The following DST variants were observed in gnomAD, a reference collection of about 807,000 sequenced individuals.
DST encodes dystonin.
A neutral mutation model predicts 875.2 loss-of-function variants in DST; 253 were observed. The observed-to-expected ratio is 0.29, with a 90% CI of 0.26 to 0.32. The LOEUF (loss-of-function observed/expected upper bound fraction) is 0.32. DST is among the 10% of genes least tolerant of loss of function. The pLI is 1.00. For synonymous variants in DST, 3,124 were observed against 3,197.1 expected, an observed-to-expected ratio of 0.98 and a Z score of 0.77; for missense variants, 8,287 against 9,111.6, an observed-to-expected ratio of 0.91 and a Z score of 3.68.
intron 4 of DST, among the ~76,000 whole-genome samples, chr6:56,738,826 T>C (rs2099535910): frequency 1.3e-5 from 2 of 151,730 alleles, no homozygotes; most frequent in African/African-American, 4.9e-5. Flanking sequence ...TTTCGTCATG[T>C]TGCCCAGGCT....
chr6:56,597,957 A>C lies in DST; in HGVS notation c.11978T>G (p.Leu3993Arg). 1 of 1,612,434 alleles carries C rather than the reference A, an allele frequency of 6.2e-7. No homozygotes were observed. The stretch of plus-strand genomic sequence containing the variant: ...GTCAACATTTGACAACCAGTCCAAA[A>C]GGTTTTCTATTTTGGTTTTGCTCTC... ...LEESKTKIEN[L>R]LDWLSNVDKD... is the part of the protein sequence containing the mutation. Residue 3993 changes from leucine to arginine, a missense_variant, in exon 47 of 104, where the codon CTT becomes CGT. Leu to Arg is a moderately radical substitution (Grantham distance 102, BLOSUM62 -2). Coordinates refer to ENST00000680361, the MANE Select transcript of DST (RefSeq NM_001374736.1).
chr6:56,633,340 C>A lies in DST; in HGVS notation c.3622-303G>T, dbSNP rs375076711. Reference sequence around the variant, plus strand: ...CTCCCGGGTTCACGCCATTCTCCTGCCTCAGCCTCCCAAGTAGCTGGGACT... The same window carrying A: ...CTCCCGGGTTCACGCCATTCTCCTGACTCAGCCTCCCAAGTAGCTGGGACT... On this transcript the variant is annotated intron_variant, in intron 27 of 103. Coordinates refer to ENST00000680361, the MANE Select transcript of DST (RefSeq NM_001374736.1). 4.7e-4 allele frequency among the ~76,000 whole-genome samples: 71 copies of A among 149,634 alleles called. No homozygotes were observed. The East Asian group carries it at 0.011, about 23-fold the overall frequency.
intron 2 of DST, among the ~76,000 whole-genome samples, chr6:56,916,018 G>A (rs1800757348): frequency 6.6e-6 from 1 of 152,236 alleles, no homozygotes; most frequent in African/African-American, 2.4e-5. Flanking sequence ...CAGATGGGAA[G>A]ATGGCAGATA....
At chr6:56,685,766 A>G (rs1165937109) in intron 9 of DST, among the ~76,000 whole-genome samples, 1 of 152,164 alleles carries the variant, frequency 6.6e-6, no homozygotes, top group Non-Finnish European at 1.5e-5. Flanking sequence ...AATAAAAATC[A>G]AAATTAAAAA....
At chr6:56,902,574 G>A (rs989607381) in intron 2 of DST, among the ~76,000 whole-genome samples, 2 of 152,226 alleles carry the variant, frequency 1.3e-5, no homozygotes, top group Admixed American at 6.5e-5. Context: ...AACAGAAATC[G>A]GTAAGGAGAA....
intron 31 of DST, among the ~76,000 whole-genome samples, chr6:56,629,871 T>C (rs866138378): frequency 1.9e-4 from 29 of 152,366 alleles, no homozygotes; most frequent in Middle Eastern, 6.8e-3. Flanking sequence ...TACACATAGA[T>C]GAGTTGAACT....
Position 56,639,351 on chromosome 6 carries a change from C to T in DST, c.2872G>A (p.Glu958Lys). The change falls in exon 22 of 104, where the codon GAA becomes AAA. Residue 958 changes from glutamate (E) to lysine (K), a missense_variant. Glu to Lys is a moderately conservative substitution (Grantham distance 56). Around this residue, in one of 10 missense-constraint regions of DST, gnomAD observed 1,160 missense variants for 1,424.3 expected, o/e 0.81. Coordinates refer to ENST00000680361, the MANE Select transcript of DST (RefSeq NM_001374736.1). ...ATATTTTCTTCCTTTTGATCAAGTT[C>T]TCTCATTAATTCCTTCAAGAAATAA... is the stretch of plus-strand genomic sequence containing the variant. ...KKDYHAELMR[E>K]LDQKEENIKS... 1 of 1,613,346 alleles carries T rather than the reference C, an allele frequency of 6.2e-7. No homozygotes were observed. The highest frequency in any genetic ancestry group is 1.7e-4 in the Middle Eastern group (1 of 6,054).
rs142337762 is a variant in DST at position 56,647,686 on chromosome 6, A to G, written c.1554+884T>C. Among the ~76,000 whole-genome samples, 1,421 of 148,192 alleles carry G rather than the reference A, an allele frequency of 9.6e-3. 30 individuals are homozygous for G. Among genetic ancestry groups the G allele is most frequent in the African/African-American group, 0.034 (1,331 of 38,648 alleles). On this transcript the variant is annotated intron_variant, in intron 13 of 103. Transcript: ENST00000680361. ...TACATATTTGTAATGGCTTTTTGTA[A>G]TGTTTTTTTTTTTTTTTGAGACGGA...
At chr6:56,751,388 A>T (rs988010884) in intron 4 of DST, among the ~76,000 whole-genome samples, 1 of 152,238 alleles carries the variant, frequency 6.6e-6, no homozygotes, top group East Asian at 1.9e-4. Flanking sequence ...GTGGTAAGAT[A>T]ATCAGTAATT....
intron 2 of DST, among the ~76,000 whole-genome samples, chr6:56,922,124 C>T (rs552174771): frequency 6.6e-6 from 1 of 152,146 alleles, no homozygotes; most frequent in African/African-American, 2.4e-5. Context: ...TGCACTGATT[C>T]AGTTAGCACT....
At chr6:56,689,047 A>G (rs534874500) in intron 9 of DST, among the ~76,000 whole-genome samples, 5 of 152,266 alleles carry the variant, frequency 3.3e-5, no homozygotes, top group African/African-American at 1.2e-4. Flanking sequence ...TCAAAGCTGT[A>G]CCACTCATTG....
Position 56,597,780 on chromosome 6 carries a change from G to C in DST, c.12155C>G (p.Thr4052Ser). 1 of 1,613,828 alleles carries C rather than the reference G, an allele frequency of 6.2e-7. No individual in the cohort carries two copies. The highest frequency in any genetic ancestry group is 8.5e-7 in the Non-Finnish European group (1 of 1,179,822). The change falls in exon 47 of 104, where the codon ACC becomes AGC. Residue 4052 changes from threonine (T) to serine (S), a missense_variant. Physicochemically the swap from Thr to Ser is moderately conservative, Grantham distance 58 (BLOSUM62 1). This residue lies in a region of DST where 1,513 missense variants were observed against 1,677.8 expected (regional missense o/e 0.90). Transcript: ENST00000680361. ...LETDVDGQVG[T>S]TQENLNQQYQ... ...TTGCTGATTCAGATTCTCCTGAGTG[G>C]TTCCAACTTGCCCATCAACATCAGT...
At chr6:56,568,306 T>C (rs1007568799) in intron 55 of DST, among the ~76,000 whole-genome samples, 163 bp downstream of exon 55, 1 of 152,246 alleles carries the variant, frequency 6.6e-6, no homozygotes, top group African/African-American at 2.4e-5. Context: ...TTAGTACAGA[T>C]ACATTCCCAG....
chr6:56,572,146 T>C lies in DST; in HGVS notation c.13675A>G (p.Asn4559Asp). The C allele has an allele frequency of 6.6e-7, 1 of 1,526,222 alleles. No homozygotes were observed. The highest frequency in any genetic ancestry group is 8.8e-7 in the Non-Finnish European group (1 of 1,137,320). The allele number at this position is 1,526,222 out of a possible 1,614,324, so 94.5% of individuals were successfully genotyped here. ...DKALVLEKTN[N>D]LSKKFKEMED... ...ATTTCCTTGAATTTCTTTGACAAAT[T>C]ATTTGTTTTTTCAAGGACCAAAGCC... The change falls in exon 53 of 104, where the codon AAT becomes GAT. Residue 4559 changes from asparagine (N) to aspartate (D), a missense_variant. Physicochemically the swap from Asn to Asp is conservative, Grantham distance 23 (BLOSUM62 1). This residue lies in a region of DST where 1,513 missense variants were observed against 1,677.8 expected (regional missense o/e 0.90). Coordinates refer to ENST00000680361, the MANE Select transcript of DST (RefSeq NM_001374736.1).
intron 30 of DST, 136 bp downstream of exon 30, chr6:56,631,075 G>A (rs1018226891): frequency 5.2e-5 from 16 of 308,718 alleles, no homozygotes; most frequent in African/African-American, 6.8e-5. Context: ...GAGCCACCAC[G>A]CCCAGCCAAT....
At chr6:56,788,178 T>G (rs1311966203) in intron 4 of DST, among the ~76,000 whole-genome samples, 3 of 148,578 alleles carry the variant, frequency 2.0e-5, no homozygotes, top group African/African-American at 5.0e-5. Flanking sequence ...AACATTTAAT[T>G]ATAGCAAGTA....
At chr6:56,851,322 G>GC in intron 4 of DST, 75 bp downstream of exon 4, 4 of 1,368,876 alleles carry the variant, frequency 2.9e-6, no homozygotes, top group Non-Finnish European at 3.0e-6. Context: ...TCCCGCTATG[G>GC]CCCCCCAGGA....
At chr6:56,527,762 T>G (rs1255962824) in intron 67 of DST, 28 bp from the exon 68 acceptor site, 1 of 1,564,896 alleles carries the variant, frequency 6.4e-7, no homozygotes, top group African/African-American at 1.4e-5. Flanking sequence ...CGTTATTTCT[T>G]ATGAAGGAAA....
rs1320743804 is a variant in DST, at chr6:56,629,302, C to CTTT, written c.4420_4422dup (p.Lys1474dup). 1 of 1,613,582 alleles carries CTTT rather than the reference C, an allele frequency of 6.2e-7. No homozygotes were observed. The highest frequency in any genetic ancestry group is 8.5e-7 in the Non-Finnish European group (1 of 1,179,768). ...TGCCACCTTTCAACTAATTGATCTGCTTTTTCTTTGTGCCAGTCAAAATCA... is the reference window on the plus strand; with the variant it reads ...TGCCACCTTTCAACTAATTGATCTGCTTTTTTTTCTTTGTGCCAGTCAAAATCA... On this transcript the variant is annotated inframe_insertion, in exon 32 of 104. Transcript: ENST00000680361.
Sources: allele counts gnomAD v4.1 joint callset (sites outside exome capture counted in the v4.1 genomes callset), GRCh38; gene constraint gnomAD v4.1.1; regional missense constraint gnomAD v4.1.1; transcripts MANE v1.5; gene names NCBI Gene and HGNC (gene_info 2026-07-23, HGNC 2026-07-21).